Variants in UCHL3 observed in about 807,000 individuals in gnomAD.
The protein encoded by UCHL3 is ubiquitin C-terminal hydrolase L3.
UCHL3 carries 22 observed loss-of-function variants against 35.8 expected under a neutral mutation model. The ratio of observed to expected loss-of-function variants is 0.61; its 90% CI spans 0.44 to 0.88. The LOEUF (loss-of-function observed/expected upper bound fraction) is 0.88, where lower values mean the gene tolerates loss of function less well. Ranked by LOEUF, UCHL3 falls within the 40% of genes least tolerant of loss-of-function variation. The pLI is 0.00. For missense variants in UCHL3, 229 were observed against 276.9 expected (o/e 0.83, Z 1.23); for synonymous variants, 90 against 92.8 (o/e 0.97, Z 0.17).
intron 5 of UCHL3, among the ~76,000 whole-genome samples, chr13:75,568,076 T>G (rs1187227245): frequency 6.6e-6 from 1 of 152,144 alleles, no homozygotes; most frequent in Non-Finnish European, 1.5e-5. Context: ...ATATATAATA[T>G]AGGTTATATT....
intron 6 of UCHL3, among the ~76,000 whole-genome samples, chr13:75,573,994 G>C (rs1383581918): frequency 2.0e-5 from 3 of 152,188 alleles, no homozygotes; most frequent in Non-Finnish European, 4.4e-5. Context: ...GAGGCGGGCA[G>C]ATCACAAGGT....
chr13:75,589,958 A>G (rs1384011612), intron 6 of UCHL3: 2 of 1,304,318 alleles, frequency 1.5e-6, no homozygotes, highest in South Asian at 1.2e-5. Context: ...CATCCTCATC[A>G]CAGCCTCATT....
intron 6 of UCHL3, among the ~76,000 whole-genome samples, chr13:75,592,214 G>A (rs1014205121): frequency 6.7e-6 from 1 of 150,318 alleles, no homozygotes; most frequent in Admixed American, 6.6e-5. Context: ...AAGAAGTGTT[G>A]CATTCTAAAT....
intron 2 of UCHL3, among the ~76,000 whole-genome samples, chr13:75,556,849 TC>T: frequency 6.6e-6 from 1 of 152,288 alleles, no homozygotes; most frequent in African/African-American, 2.4e-5. Flanking sequence ...AGTGTTCAGA[TC>T]CTTGCATGTG....
upstream of UCHL3, chr13:75,549,656 G>A (rs2030997996): frequency 1.5e-6 from 1 of 688,318 alleles, no homozygotes; most frequent in Non-Finnish European, 2.3e-6. Flanking sequence ...GGCCCTGCAC[G>A]GAGCGGTTAA....
chr13:75,571,181 A>C (rs1384554060), intron 6 of UCHL3, among the ~76,000 whole-genome samples: 7 of 152,222 alleles, frequency 4.6e-5, no homozygotes, highest in African/African-American at 1.7e-4. Context: ...TATTGTTAAG[A>C]TATGAAGACA....
At chr13:75,557,231 G>C (rs2031323405) in intron 2 of UCHL3, among the ~76,000 whole-genome samples, 1 of 151,666 alleles carries the variant, frequency 6.6e-6, no homozygotes, top group South Asian at 2.1e-4. Flanking sequence ...AAAAAAGGAA[G>C]ATAAAATGAA....
At chr13:75,591,748 A>G (rs2032482406) in intron 6 of UCHL3, among the ~76,000 whole-genome samples, 1 of 152,098 alleles carries the variant, frequency 6.6e-6, no homozygotes, top group Non-Finnish European at 1.5e-5. Flanking sequence ...TCTGTGCCTC[A>G]GTTTTCTCAA....
intron 7 of UCHL3, among the ~76,000 whole-genome samples, chr13:75,596,370 C>T (rs1487229219): frequency 6.6e-6 from 1 of 151,618 alleles, no homozygotes; most frequent in Non-Finnish European, 1.5e-5. Context: ...TGAAGATGTG[C>T]CTTGCTAATT....
At chr13:75,567,838 G>A (rs902025084) in intron 5 of UCHL3, among the ~76,000 whole-genome samples, 1 of 152,026 alleles carries the variant, frequency 6.6e-6, no homozygotes, top group South Asian at 2.1e-4. Context: ...ATGAGCCACC[G>A]TGCCTGGCCC....
intron 6 of UCHL3, among the ~76,000 whole-genome samples, chr13:75,587,855 C>T (rs1013936766): frequency 1.3e-5 from 2 of 152,096 alleles, no homozygotes; most frequent in African/African-American, 4.8e-5. Context: ...AACAAAGAGC[C>T]TGTTTGCTTA....
intron 6 of UCHL3, among the ~76,000 whole-genome samples, chr13:75,579,522 C>T (rs1379336396): frequency 6.6e-6 from 1 of 151,924 alleles, no homozygotes; most frequent in African/African-American, 2.4e-5. Flanking sequence ...CTTCCCTTTC[C>T]CCTTTTCTCT....
At chr13:75,580,685 T>C (rs991858153) in intron 6 of UCHL3, among the ~76,000 whole-genome samples, 1 of 152,174 alleles carries the variant, frequency 6.6e-6, no homozygotes, top group African/African-American at 2.4e-5. Flanking sequence ...TCTGAATTCA[T>C]GTTATGGGGC....
At chr13:75,581,031 G>A (rs566520239) in intron 6 of UCHL3, among the ~76,000 whole-genome samples, 52 of 152,194 alleles carry the variant, frequency 3.4e-4, no homozygotes, top group African/African-American at 1.2e-3. Flanking sequence ...TAACATCTAA[G>A]TCAGTTCTTA....
At chr13:75,564,604 C>G (rs375078899) in intron 3 of UCHL3, among the ~76,000 whole-genome samples, 6 of 152,158 alleles carry the variant, frequency 3.9e-5, no homozygotes, top group East Asian at 3.8e-4. Flanking sequence ...AATCTGCATT[C>G]CCACCAACAG....
chr13:75,551,998 G>C (rs1423992771), intron 2 of UCHL3, among the ~76,000 whole-genome samples: 2 of 151,050 alleles, frequency 1.3e-5, no homozygotes, highest in Non-Finnish European at 3.0e-5. Context: ...ATAGTGCTTT[G>C]ATAGAGACCA....
rs2032927681 is a variant in UCHL3 at position 75,605,769 on chromosome 13, C to T, written c.650C>T (p.Pro217Leu). ...EVCKKFMERD[P>L]DELRFNAIAL... ...TGCAAGAAGTTTATGGAGCGCGACC[C>T]TGATGAACTAAGATTTAATGCGATT... The change falls in exon 9 of 9, where the codon CCT becomes CTT. Residue 217 changes from proline to leucine, a missense_variant. By Grantham distance (98) the Pro-to-Leu change is moderately conservative. Coordinates refer to ENST00000377595, the MANE Select transcript of UCHL3 (RefSeq NM_006002.5). The T allele has an allele frequency of 6.2e-7, 1 of 1,613,942 alleles. No individual in the cohort carries two copies. Among genetic ancestry groups the T allele is most frequent in the Non-Finnish European group, 8.5e-7 (1 of 1,179,978 alleles).
chr13:75,604,895 A>G, intron 8 of UCHL3, 68 bp downstream of exon 8: 1 of 1,316,374 alleles, frequency 7.6e-7, no homozygotes, highest in East Asian at 2.6e-5. Flanking sequence ...TCTAAAGGTC[A>G]CTTGCATAAC....
At chr13:75,575,587 C>T (rs1335165925) in intron 6 of UCHL3, among the ~76,000 whole-genome samples, 1 of 152,156 alleles carries the variant, frequency 6.6e-6, no homozygotes, top group Non-Finnish European at 1.5e-5. Flanking sequence ...CATCCCCCTT[C>T]TATAGATGAG....
Sources: allele counts gnomAD v4.1 joint callset (sites outside exome capture counted in the v4.1 genomes callset), GRCh38; gene constraint gnomAD v4.1.1; transcripts MANE v1.5; gene names NCBI Gene and HGNC (gene_info 2026-07-23, HGNC 2026-07-21).